Variants in ENAH observed in about 807,000 individuals in gnomAD.
The protein encoded by ENAH is ENAH actin regulator, also known as protein enabled homolog.
Under a neutral mutation model 78.7 loss-of-function variants are expected in ENAH, and 23 were observed. The observed-to-expected ratio is 0.29, with a 90% CI of 0.21 to 0.41. ENAH has a LOEUF of 0.41. Among genes scored for constraint, ENAH ranks in the 10% least tolerant of loss-of-function variants. The probability of loss-of-function intolerance (pLI) is 1.00; values close to 1 mark genes in which losing one functional copy is unlikely to be tolerated. For synonymous variants in ENAH, 226 were observed against 241.0 expected (o/e 0.94, Z 0.58); for missense variants, 544 against 691.0 (o/e 0.79, Z 2.39).
At chr1:225,569,793 GA>G (rs1211407854) in intron 1 of ENAH, among the ~76,000 whole-genome samples, 1 of 152,078 alleles carries the variant, frequency 6.6e-6, no homozygotes, top group African/African-American at 2.4e-5. Context: ...ATAAAGAGAA[GA>G]AAAAATAAGC....
chr1:225,615,066 C>A (rs991722435), intron 1 of ENAH, among the ~76,000 whole-genome samples: 1 of 147,264 alleles, frequency 6.8e-6, no homozygotes, highest in African/African-American at 2.6e-5. Context: ...CTCTCCCTCT[C>A]TCTCCACGGT....
At chr1:225,649,213 T>C (rs185002840) in intron 1 of ENAH, among the ~76,000 whole-genome samples, 2 of 152,172 alleles carry the variant, frequency 1.3e-5, no homozygotes, top group African/African-American at 2.4e-5. Flanking sequence ...ACCCAGCTAG[T>C]AAATGGCTTG....
intron 4 of ENAH, among the ~76,000 whole-genome samples, chr1:225,520,087 A>G (rs2096455355): frequency 6.6e-6 from 1 of 152,114 alleles, no homozygotes; most frequent in Admixed American, 6.5e-5. Context: ...TGAGGTCAGG[A>G]GTTCGAGACT....
intron 3 of ENAH, among the ~76,000 whole-genome samples, chr1:225,538,826 G>C (rs1225572703): frequency 6.6e-6 from 1 of 152,126 alleles, no homozygotes. Flanking sequence ...CCTGCCTCTA[G>C]CTAAAGACAC....
chr1:225,613,547 A>G (rs1260441475), intron 1 of ENAH, among the ~76,000 whole-genome samples: 2 of 152,196 alleles, frequency 1.3e-5, no homozygotes, highest in Non-Finnish European at 2.9e-5. Flanking sequence ...TTTTAACACT[A>G]TTTTTAAATA....
chr1:225,511,730 G>A (rs2096378238), intron 10 of ENAH, 81 bp downstream of exon 10: 1 of 1,000,792 alleles, frequency 1.0e-6, no homozygotes, highest in South Asian at 1.6e-5. Context: ...TCCAAATATG[G>A]GGAAAGGGGG....
chr1:225,506,523 A>G (rs954624762), intron 11 of ENAH, among the ~76,000 whole-genome samples: 19 of 152,186 alleles, frequency 1.2e-4, no homozygotes, highest in Admixed American at 6.5e-5. Flanking sequence ...TCAGCACTTC[A>G]TAATGTGCTA....
chr1:225,569,955 C>T (rs959645226), intron 1 of ENAH, among the ~76,000 whole-genome samples: 1 of 152,022 alleles, frequency 6.6e-6, no homozygotes, highest in African/African-American at 2.4e-5. Context: ...CCTGTAATCC[C>T]AGCACTTTGG....
intron 1 of ENAH, among the ~76,000 whole-genome samples, chr1:225,633,447 T>C (rs976844269): frequency 1.3e-5 from 2 of 152,108 alleles, no homozygotes; most frequent in Non-Finnish European, 1.5e-5. Flanking sequence ...CAGCATTGGA[T>C]GTGATCTTAA....
chr1:225,605,666 C>A (rs1002012922), intron 1 of ENAH, among the ~76,000 whole-genome samples: 2 of 152,198 alleles, frequency 1.3e-5, no homozygotes, highest in African/African-American at 2.4e-5. Context: ...ATGTGAAAAT[C>A]CTTACCCCCA....
intron 3 of ENAH, among the ~76,000 whole-genome samples, chr1:225,547,032 T>C (rs186513083): frequency 2.0e-5 from 3 of 152,138 alleles, no homozygotes; most frequent in African/African-American, 7.2e-5. Context: ...TATATGATAC[T>C]TTCCCGGAGA....
chr1:225,634,528 A>G (rs990277795), intron 1 of ENAH, among the ~76,000 whole-genome samples: 8 of 152,222 alleles, frequency 5.3e-5, no homozygotes, highest in Non-Finnish European at 8.8e-5. Context: ...ACCCTGTAAC[A>G]GGGAATTATC....
intron 4 of ENAH, among the ~76,000 whole-genome samples, 174 bp downstream of exon 4, chr1:225,530,380 A>T (rs1257459861): frequency 3.3e-5 from 5 of 152,226 alleles, no homozygotes; most frequent in African/African-American, 1.2e-4. Flanking sequence ...TCTCATGTCC[A>T]GCATAACAAG....
At chr1:225,503,402 A>C (rs2096296698) in intron 11 of ENAH, among the ~76,000 whole-genome samples, 1 of 151,928 alleles carries the variant, frequency 6.6e-6, no homozygotes, top group Non-Finnish European at 1.5e-5. Flanking sequence ...TCTTCTTCCC[A>C]CCTCAGCCTC....
At chr1:225,604,714 G>A (rs2148044197) in intron 1 of ENAH, among the ~76,000 whole-genome samples, 1 of 151,910 alleles carries the variant, frequency 6.6e-6, no homozygotes, top group Middle Eastern at 3.4e-3. Context: ...AATCGCTTAA[G>A]CCCATGAGGC....
chr1:225,555,796 C>A (rs2096663637), intron 2 of ENAH, among the ~76,000 whole-genome samples: 2 of 152,150 alleles, frequency 1.3e-5, no homozygotes, highest in South Asian at 4.1e-4. Context: ...CCAAAAGGTA[C>A]TAGCCACACT....
intron 1 of ENAH, among the ~76,000 whole-genome samples, chr1:225,626,099 GAAGA>G (rs1269224647): frequency 1.3e-5 from 2 of 152,122 alleles, no homozygotes; most frequent in Non-Finnish European, 2.9e-5. Flanking sequence ...GAAAAACCAT[GAAGA>G]AAGACTGCAG....
chr1:225,591,951 G>A (rs963102344), intron 1 of ENAH, among the ~76,000 whole-genome samples: 12 of 151,924 alleles, frequency 7.9e-5, no homozygotes, highest in Admixed American at 3.3e-4. Context: ...TCCTAGTTGC[G>A]TCACCTTAAA....
chr1:225,500,045 C>T (rs1283255199), intron 12 of ENAH, among the ~76,000 whole-genome samples: 1 of 152,184 alleles, frequency 6.6e-6, no homozygotes, highest in African/African-American at 2.4e-5. Flanking sequence ...TGACCAAGAA[C>T]TGACCATGTT....
Sources: allele counts gnomAD v4.1 joint callset (sites outside exome capture counted in the v4.1 genomes callset), GRCh38; gene constraint gnomAD v4.1.1; transcripts MANE v1.5; gene names NCBI Gene and HGNC (gene_info 2026-07-23, HGNC 2026-07-21).